The following RANBP2 variants were observed in gnomAD, a reference collection of about 807,000 sequenced individuals.
The protein encoded by RANBP2 is RAN binding protein 2.
Under a neutral mutation model 303.6 loss-of-function variants are expected in RANBP2, and 57 were observed. The observed-to-expected ratio is 0.19, with a 90% CI of 0.15 to 0.23. RANBP2 has a LOEUF of 0.23. RANBP2 is among the 10% of genes least tolerant of loss of function. RANBP2 has a pLI of 1.00. For synonymous variants in RANBP2, 1,167 were observed against 1,301.5 expected (o/e 0.90, Z 2.23); for missense variants, 3,138 against 3,780.8 (o/e 0.83, Z 4.46).
chr2:108,720,538 A>G (rs1464823421), intron 1 of RANBP2, among the ~76,000 whole-genome samples: 1 of 152,174 alleles, frequency 6.6e-6, no homozygotes, highest in Non-Finnish European at 1.5e-5. Flanking sequence ...TTAAAGGTGG[A>G]TGTGCGCAGA....
chr2:108,928,767 T>C, the RANBP2 span, among the ~76,000 whole-genome samples: 1 of 152,234 alleles, frequency 6.6e-6, no homozygotes, highest in Non-Finnish European at 1.5e-5. Context: ...TGCATAATCA[T>C]TTTGGAGGGA....
At chr2:109,211,662 T>G in the RANBP2 span, among the ~76,000 whole-genome samples, 1 of 151,582 alleles carries the variant, frequency 6.6e-6, no homozygotes, top group Non-Finnish European at 1.5e-5. Context: ...TTTTTTTTTT[T>G]GAGATGGAGT....
chr2:109,249,601 T>C, the RANBP2 span, among the ~76,000 whole-genome samples: 12 of 144,710 alleles, frequency 8.3e-5, no homozygotes, highest in East Asian at 6.1e-4. Flanking sequence ...TTCTTTCTTT[T>C]TCTTTCTTTC....
At chr2:109,677,268 C>A in the RANBP2 span, among the ~76,000 whole-genome samples, 1 of 152,288 alleles carries the variant, frequency 6.6e-6, no homozygotes, top group East Asian at 1.9e-4. Flanking sequence ...CTGGATAGGA[C>A]CCATTCAGAT....
At chr2:109,288,734 G>A in the RANBP2 span, among the ~76,000 whole-genome samples, 1 of 152,178 alleles carries the variant, frequency 6.6e-6, no homozygotes. Context: ...AGGAACATGG[G>A]TAAAAGTTGT....
chr2:109,617,118 A>G, the RANBP2 span: 13 of 166,850 alleles, frequency 7.8e-5, no homozygotes, highest in East Asian at 2.5e-3. Flanking sequence ...TATGTAAGGT[A>G]CACTTTTTAT....
At chr2:109,313,247 C>T in the RANBP2 span, among the ~76,000 whole-genome samples, 4 of 152,294 alleles carry the variant, frequency 2.6e-5, no homozygotes, top group South Asian at 8.3e-4. Context: ...TATCAGGATC[C>T]CTATTCCTCT....
the RANBP2 span, among the ~76,000 whole-genome samples, chr2:109,466,706 G>T: frequency 1.4e-3 from 217 of 152,206 alleles, no homozygotes; most frequent in African/African-American, 5.1e-3. Context: ...TCATAGTTTT[G>T]CATTTTACAT....
the RANBP2 span, among the ~76,000 whole-genome samples, chr2:109,284,506 C>A: frequency 6.6e-6 from 1 of 152,158 alleles, no homozygotes; most frequent in South Asian, 2.1e-4. Context: ...TCTCGTCCAG[C>A]CTTGGAAGCC....
the RANBP2 span, among the ~76,000 whole-genome samples, chr2:109,431,830 C>A: frequency 6.6e-6 from 1 of 152,070 alleles, no homozygotes; most frequent in African/African-American, 2.4e-5. Context: ...ATGCTTGTAC[C>A]ACTGCACTCC....
chr2:109,025,691 G>A, the RANBP2 span, among the ~76,000 whole-genome samples: 140 of 151,940 alleles, frequency 9.2e-4, no homozygotes, highest in Admixed American at 3.1e-3. Flanking sequence ...CCAGCTACTC[G>A]GGAGGCTGAG....
At chr2:109,164,111 G>A in the RANBP2 span, among the ~76,000 whole-genome samples, 1 of 152,032 alleles carries the variant, frequency 6.6e-6, no homozygotes, top group African/African-American at 2.4e-5. Flanking sequence ...CTCTTCTCTT[G>A]TGTCTGTTAA....
the RANBP2 span, among the ~76,000 whole-genome samples, chr2:109,107,506 T>C: frequency 1.7e-4 from 26 of 152,202 alleles, no homozygotes; most frequent in African/African-American, 6.0e-4. Context: ...GCCTCTGCCA[T>C]ATGGGTAGCT....
At chr2:109,028,758 C>T in the RANBP2 span, among the ~76,000 whole-genome samples, 1 of 152,108 alleles carries the variant, frequency 6.6e-6, no homozygotes, top group Non-Finnish European at 1.5e-5. Flanking sequence ...ACACCTTGAC[C>T]CTGGACCTAA....
the RANBP2 span, among the ~76,000 whole-genome samples, chr2:109,133,254 T>C: frequency 2.0e-5 from 3 of 152,262 alleles, no homozygotes; most frequent in Admixed American, 1.3e-4. Context: ...AAAGTCGGCA[T>C]TACAGCCTAA....
chr2:109,223,792 A>G, the RANBP2 span, among the ~76,000 whole-genome samples: 1 of 152,208 alleles, frequency 6.6e-6, no homozygotes, highest in South Asian at 2.1e-4. Flanking sequence ...CTCCTGGCAC[A>G]TGAAAGTGTT....
the RANBP2 span, among the ~76,000 whole-genome samples, chr2:108,844,536 T>G: frequency 6.6e-6 from 1 of 152,184 alleles, no homozygotes; most frequent in African/African-American, 2.4e-5. Context: ...CTGTCGGTGT[T>G]GGCAGCTGTT....
intron 18 of RANBP2, 24 bp downstream of exon 18, chr2:108,758,572 CA>C: frequency 6.2e-7 from 1 of 1,610,504 alleles, no homozygotes; most frequent in Non-Finnish European, 8.5e-7. Flanking sequence ...TGGATAATCG[CA>C]TATTTTAGTA....
the RANBP2 span, chr2:108,815,941 G>A: frequency 6.2e-7 from 1 of 1,602,954 alleles, no homozygotes; most frequent in Non-Finnish European, 8.5e-7. Context: ...TGACATATAG[G>A]TACCACTTAA....
Sources: allele counts gnomAD v4.1 joint callset (sites outside exome capture counted in the v4.1 genomes callset), GRCh38; gene constraint gnomAD v4.1.1; transcripts MANE v1.5; gene names NCBI Gene and HGNC (gene_info 2026-07-23, HGNC 2026-07-21).